The following SHTN1 variants were observed in gnomAD, a reference collection of about 807,000 sequenced individuals.
The protein encoded by SHTN1 is shootin 1, also known as shootin-1.
SHTN1 carries 42 observed loss-of-function variants against 83.1 expected under a neutral mutation model. The ratio of observed to expected loss-of-function variants is 0.51; its 90% CI spans 0.39 to 0.65. The LOEUF (loss-of-function observed/expected upper bound fraction) is 0.65, where lower values mean the gene tolerates loss of function less well. SHTN1 is among the 30% of genes least tolerant of loss of function. The pLI is 0.00. For synonymous variants in SHTN1, 224 were observed against 247.7 expected (o/e 0.90, Z 0.90); for missense variants, 622 against 737.8 (o/e 0.84, Z 1.82).
intron 2 of SHTN1, among the ~76,000 whole-genome samples, chr10:117,018,269 C>T (rs1852210103): frequency 6.6e-6 from 1 of 152,068 alleles, no homozygotes; most frequent in South Asian, 2.1e-4. Flanking sequence ...TAGGTATACT[C>T]TGTATTATTT....
At chr10:117,053,017 C>G (rs1852770902) in intron 1 of SHTN1, among the ~76,000 whole-genome samples, 1 of 3,442 alleles carries the variant, frequency 2.9e-4, no homozygotes, top group Non-Finnish European at 0.013. Context: ...AAGACTGTGT[C>G]TCAAAAAAAA....
chr10:116,924,257 G>C (rs931116638), intron 11 of SHTN1, among the ~76,000 whole-genome samples: 1 of 152,128 alleles, frequency 6.6e-6, no homozygotes, highest in African/African-American at 2.4e-5. Context: ...TGGGTGTGAG[G>C]AGGGTTCTCA....
intron 2 of SHTN1, among the ~76,000 whole-genome samples, chr10:117,011,622 C>CTA (rs1852104733): frequency 6.6e-6 from 1 of 152,142 alleles, no homozygotes; most frequent in Non-Finnish European, 1.5e-5. Flanking sequence ...CATCATTAGT[C>CTA]ATTAGACAAA....
At chr10:117,105,215 G>A (rs1853654933) in intron 1 of SHTN1, among the ~76,000 whole-genome samples, 1 of 152,148 alleles carries the variant, frequency 6.6e-6, no homozygotes, top group Admixed American at 6.5e-5. Flanking sequence ...TCTGAAGGAA[G>A]AGCCTGAATC....
chr10:116,984,064 A>G (rs1564914026), intron 1 of SHTN1, among the ~76,000 whole-genome samples: 1 of 152,134 alleles, frequency 6.6e-6, no homozygotes. Flanking sequence ...ACCTCTAGCT[A>G]GGGTTAATAA....
At chr10:116,953,968 T>A in intron 5 of SHTN1, 74 bp downstream of exon 5, 3 of 1,216,768 alleles carry the variant, frequency 2.5e-6, no homozygotes, top group Non-Finnish European at 3.4e-6. Context: ...ATGATTCTGA[T>A]GTGCAGTCAG....
At chr10:116,930,835 C>T (rs555026042) in intron 9 of SHTN1, among the ~76,000 whole-genome samples, 10 of 152,284 alleles carry the variant, frequency 6.6e-5, no homozygotes, top group African/African-American at 2.4e-4. Context: ...AACTAACTTA[C>T]ATTCCCACCA....
chr10:117,028,002 C>T (rs1852354949), intron 2 of SHTN1, among the ~76,000 whole-genome samples: 1 of 152,096 alleles, frequency 6.6e-6, no homozygotes, highest in Non-Finnish European at 1.5e-5. Flanking sequence ...GTTGAATGGT[C>T]GTGGCCAAAT....
upstream of SHTN1, among the ~76,000 whole-genome samples, chr10:117,007,313 C>T (rs1852034920): frequency 1.3e-5 from 2 of 151,766 alleles, no homozygotes; most frequent in Non-Finnish European, 2.9e-5. Context: ...TGGCTTAGTT[C>T]ACAAAGTTCC....
chr10:116,890,318 A>C (rs1407682407), intron 16 of SHTN1, among the ~76,000 whole-genome samples: 1 of 152,218 alleles, frequency 6.6e-6, no homozygotes, highest in Non-Finnish European at 1.5e-5. Flanking sequence ...TTATAAATTA[A>C]AACTAAAATC....
At chr10:116,931,335 G>A (rs1267343473) in intron 9 of SHTN1, among the ~76,000 whole-genome samples, 3 of 151,990 alleles carry the variant, frequency 2.0e-5, no homozygotes, top group Non-Finnish European at 2.9e-5. Context: ...TGCAAACTTC[G>A]CCTCCTGGGT....
intron 9 of SHTN1, among the ~76,000 whole-genome samples, chr10:116,933,787 G>A (rs1441303112): frequency 1.3e-5 from 2 of 152,216 alleles, no homozygotes; most frequent in Non-Finnish European, 1.5e-5. Flanking sequence ...CCCACCAACA[G>A]TGTAAAAGCA....
chr10:117,026,395 A>G lies in SHTN1; in HGVS notation c.-123+22050T>C, dbSNP rs1852332795. Among the ~76,000 whole-genome samples the G allele has an allele frequency of 2.7e-5, 4 of 150,386 alleles. No individual in the cohort carries two copies. The South Asian group carries it at 8.5e-4, about 32-fold the overall frequency. On this transcript the variant is annotated intron_variant, in intron 2 of 17. Coordinates refer to the SHTN1 transcript ENST00000392901. ...TTGTGATTTCAGTACCAGCTCAGCC[A>G]CAGTACAATAGAAATCCAGATAGAC...
chr10:117,022,365 G>C (rs949155777), intron 2 of SHTN1, among the ~76,000 whole-genome samples: 1 of 152,016 alleles, frequency 6.6e-6, no homozygotes, highest in South Asian at 2.1e-4. Context: ...CAATCTTTAC[G>C]TTCAGCAAGT....
At chr10:117,009,876 C>G (rs1852077448), upstream of SHTN1, among the ~76,000 whole-genome samples, 1 of 151,830 alleles carries the variant, frequency 6.6e-6, no homozygotes, top group African/African-American at 2.4e-5. Context: ...GCACTCCAGC[C>G]TGGGCGACAG....
At chr10:116,975,779 TTATGC>T (rs1454181175) in intron 2 of SHTN1, among the ~76,000 whole-genome samples, 1 of 152,198 alleles carries the variant, frequency 6.6e-6, no homozygotes, top group Non-Finnish European at 1.5e-5. Context: ...TTGGGATGCA[TTATGC>T]CAGAATCTAT....
intron 2 of SHTN1, among the ~76,000 whole-genome samples, chr10:117,020,904 A>G (rs1185914627): frequency 6.6e-6 from 1 of 152,206 alleles, no homozygotes; most frequent in Non-Finnish European, 1.5e-5. Flanking sequence ...ACATATATCT[A>G]AAATACAACC....
intron 1 of SHTN1, among the ~76,000 whole-genome samples, chr10:116,998,227 C>A (rs1173085261): frequency 1.3e-5 from 2 of 152,176 alleles, no homozygotes; most frequent in African/African-American, 4.8e-5. Context: ...AATATTACTT[C>A]AAATTTTGAA....
chr10:117,014,377 A>G (rs1406424747), intron 2 of SHTN1, among the ~76,000 whole-genome samples: 1 of 152,208 alleles, frequency 6.6e-6, no homozygotes, highest in Non-Finnish European at 1.5e-5. Flanking sequence ...TATTACTAAT[A>G]TATGACATTA....
Sources: allele counts gnomAD v4.1 joint callset (sites outside exome capture counted in the v4.1 genomes callset), GRCh38; gene constraint gnomAD v4.1.1; transcripts MANE v1.5; gene names NCBI Gene and HGNC (gene_info 2026-07-23, HGNC 2026-07-21).